TMEM267: variants seen among roughly 807,000 people sequenced by gnomAD.
TMEM267 encodes transmembrane protein C5orf28.
A neutral mutation model predicts 19.3 loss-of-function variants in TMEM267; 20 were observed. That is an observed-to-expected ratio of 1.04 (90% CI 0.73 to 1.51). TMEM267 has a LOEUF of 1.51. Ranked by LOEUF, TMEM267 falls within the 40% of genes most tolerant of loss-of-function variation. The pLI is 0.00. For synonymous variants in TMEM267, 88 were observed against 90.3 expected (o/e 0.97, Z 0.15); for missense variants, 242 against 261.9 (o/e 0.92, Z 0.52).
At chr5:43,465,443 C>T (rs1486811939) in intron 1 of TMEM267, among the ~76,000 whole-genome samples, 2 of 152,156 alleles carry the variant, frequency 1.3e-5, no homozygotes, top group African/African-American at 4.8e-5. Flanking sequence ...TACCATTTGA[C>T]CCAGCCATCC....
chr5:43,447,212 C>T (rs1742295588), intron 2 of TMEM267, among the ~76,000 whole-genome samples: 1 of 151,800 alleles, frequency 6.6e-6, no homozygotes, highest in African/African-American at 2.4e-5. Flanking sequence ...GCCTCAGCCT[C>T]CCGAGTAGCT....
intron 2 of TMEM267, among the ~76,000 whole-genome samples, chr5:43,452,622 T>C (rs1200026246): frequency 2.0e-5 from 3 of 150,780 alleles, no homozygotes; most frequent in Non-Finnish European, 4.4e-5. Flanking sequence ...AGAAAAGTAC[T>C]CTACTAACAC....
chr5:43,447,785 G>A (rs931085866), intron 2 of TMEM267, among the ~76,000 whole-genome samples: 15 of 152,204 alleles, frequency 9.9e-5, no homozygotes, highest in African/African-American at 2.9e-4. Context: ...AGAGAAGAGG[G>A]GAAACCTAAG....
chr5:43,479,517 T>C (rs1744629928), intron 1 of TMEM267, among the ~76,000 whole-genome samples: 1 of 151,898 alleles, frequency 6.6e-6, no homozygotes, highest in Non-Finnish European at 1.5e-5. Context: ...AGGTATAACA[T>C]TATAAATATA....
intron 2 of TMEM267, 51 bp downstream of exon 2, chr5:43,453,607 A>G (rs1742741991): frequency 6.6e-7 from 1 of 1,516,324 alleles, no homozygotes; most frequent in African/African-American, 1.4e-5. Context: ...AGATCAGCAA[A>G]ATAGTGCTAA....
In TMEM267 at chr5:43,453,645, C is replaced by T; in HGVS notation, c.312+13G>A. The T allele has an allele frequency of 6.2e-7, 1 of 1,605,436 alleles. No individual in the cohort carries two copies. The highest frequency in any genetic ancestry group is 8.5e-7 in the Non-Finnish European group (1 of 1,176,618). ...AAATTAAAGATCAGAAAAATTAAGC[C>T]TATGCTTTTTACCTTTAAAGACATG... On this transcript the variant is annotated intron_variant, in intron 2 of 2. Coordinates refer to ENST00000397080, the MANE Select transcript of TMEM267 (RefSeq NM_022483.5).
intron 1 of TMEM267, among the ~76,000 whole-genome samples, chr5:43,465,520 C>A (rs900555549): frequency 1.3e-5 from 2 of 152,104 alleles, no homozygotes; most frequent in Non-Finnish European, 2.9e-5. Flanking sequence ...ATGTTTATTG[C>A]GGCACTATTC....
intron 2 of TMEM267, among the ~76,000 whole-genome samples, chr5:43,450,108 C>T (rs1742490836): frequency 6.6e-6 from 1 of 151,674 alleles, no homozygotes; most frequent in African/African-American, 2.4e-5. Flanking sequence ...GATCCTCTTG[C>T]CTCAGCCTCC....
Position 43,464,800 on chromosome 5 carries a change from T to G in TMEM267, c.-74-10757A>C, listed in dbSNP as rs549164146. Reference sequence around the variant, plus strand: ...CCCTTCCTTACACCTTATAGAAAAATTAATTCAAGATGGATTAAAGACTTA... The same window carrying G: ...CCCTTCCTTACACCTTATAGAAAAAGTAATTCAAGATGGATTAAAGACTTA... On this transcript the variant is annotated intron_variant, in intron 1 of 2. Transcript: ENST00000397080. Among the ~76,000 whole-genome samples, 53 of 152,212 alleles carry G rather than the reference T, an allele frequency of 3.5e-4. 1 individual carries two copies. The highest frequency in any genetic ancestry group is 6.8e-3 in the Middle Eastern group (2 of 294).
intron 1 of TMEM267, among the ~76,000 whole-genome samples, chr5:43,463,483 C>T (rs1471132037): frequency 6.6e-6 from 1 of 151,988 alleles, no homozygotes; most frequent in Non-Finnish European, 1.5e-5. Context: ...AGAGACACAA[C>T]CAAAAAAGAG....
chr5:43,472,108 A>C (rs573741830), intron 1 of TMEM267, among the ~76,000 whole-genome samples: 4 of 152,346 alleles, frequency 2.6e-5, no homozygotes, highest in Middle Eastern at 3.4e-3. Flanking sequence ...AAAATACAAT[A>C]ATCTAATAAA....
intron 2 of TMEM267, among the ~76,000 whole-genome samples, chr5:43,451,342 T>C (rs1014319085): frequency 6.6e-6 from 1 of 151,972 alleles, no homozygotes; most frequent in Non-Finnish European, 1.5e-5. Context: ...TGGGAGAAAG[T>C]AGGGTTCATT....
intron 1 of TMEM267, among the ~76,000 whole-genome samples, chr5:43,474,636 G>C (rs1174824275): frequency 1.3e-5 from 2 of 151,884 alleles, no homozygotes; most frequent in Non-Finnish European, 2.9e-5. Flanking sequence ...GTGCATGCTT[G>C]TAATCCCGGC....
chr5:43,482,085 C>T (rs1299204370), intron 1 of TMEM267, among the ~76,000 whole-genome samples: 1 of 152,210 alleles, frequency 6.6e-6, no homozygotes, highest in East Asian at 1.9e-4. Context: ...TCTCGTGATC[C>T]GCCCGCCTCG....
At chr5:43,475,851 C>G (rs1028616928) in intron 1 of TMEM267, among the ~76,000 whole-genome samples, 3 of 152,060 alleles carry the variant, frequency 2.0e-5, no homozygotes, top group African/African-American at 7.2e-5. Context: ...ATTAAAATAG[C>G]AAGAATGAAA....
chr5:43,448,297 C>T (rs1358080714), intron 2 of TMEM267, among the ~76,000 whole-genome samples: 1 of 152,156 alleles, frequency 6.6e-6, no homozygotes, highest in Non-Finnish European at 1.5e-5. Context: ...TATTATTCTA[C>T]TTTTGTCTTC....
chr5:43,464,049 GAAAAC>G (rs1743451417), intron 1 of TMEM267, among the ~76,000 whole-genome samples: 3 of 152,172 alleles, frequency 2.0e-5, no homozygotes, highest in Admixed American at 2.0e-4. Context: ...TGTATATCTA[GAAAAC>G]CCCATTGTCT....
chr5:43,465,782 C>T (rs1743622144), intron 1 of TMEM267, among the ~76,000 whole-genome samples: 1 of 151,964 alleles, frequency 6.6e-6, no homozygotes, highest in Admixed American at 6.6e-5. Context: ...GGAAGGGGAA[C>T]ATCACACACT....
intron 1 of TMEM267, among the ~76,000 whole-genome samples, chr5:43,463,432 C>A (rs529567323): frequency 6.6e-6 from 1 of 152,304 alleles, no homozygotes; most frequent in Non-Finnish European, 1.5e-5. Flanking sequence ...CTCCCTAACT[C>A]ATTTTATGAG....
Sources: gnomAD v4.1 joint callset for allele counts (sites outside exome capture counted in the v4.1 genomes callset) on GRCh38, gnomAD v4.1.1 for gene constraint, MANE v1.5 for transcripts, NCBI Gene and HGNC (gene_info 2026-07-23, HGNC 2026-07-21) for gene names.